STAMBP: variants seen among roughly 807,000 people sequenced by gnomAD.
STAMBP encodes STAM-binding protein.
A neutral mutation model predicts 50.7 loss-of-function variants in STAMBP; 31 were observed. That is an observed-to-expected ratio of 0.61 (90% CI 0.46 to 0.83). The LOEUF (loss-of-function observed/expected upper bound fraction) is 0.83, where lower values mean the gene tolerates loss of function less well. STAMBP is among the 40% of genes least tolerant of loss of function. The pLI is 0.00. For synonymous variants in STAMBP, 211 were observed against 192.4 expected, an observed-to-expected ratio of 1.10 and a Z score of -0.80; for missense variants, 472 against 518.9, an observed-to-expected ratio of 0.91 and a Z score of 0.88.
In STAMBP at chr2:73,845,218, T is replaced by C. The variant is rs779144302; in HGVS notation, c.331T>C (p.Leu111=). The C allele has an allele frequency of 1.2e-6, 2 of 1,614,074 alleles. No homozygotes were observed. Among genetic ancestry groups the C allele is most frequent in the Non-Finnish European group, 1.7e-6 (2 of 1,179,930 alleles). ...AGCAGAAGAGCTGAAGGCAGAGCTG[T>C]TAAAACGATATACCAAAGAATATAC... The part of the protein sequence containing the change: ...PKAEELKAEL[L]KRYTKEYTEY... The change falls in exon 4 of 10, where the codon TTA becomes CTA. Residue 111 remains leucine (L), a synonymous_variant. Transcript: ENST00000394070.
chr2:73,832,581 A>G (rs1032507801), intron 2 of STAMBP, among the ~76,000 whole-genome samples: 2 of 152,104 alleles, frequency 1.3e-5, no homozygotes, highest in African/African-American at 4.8e-5. Context: ...TGATATACAC[A>G]TACCAGTTTT....
chr2:73,841,359 A>G lies in STAMBP; in HGVS notation c.204-3454A>G, dbSNP rs1573293043. 2.6e-5 allele frequency among the ~76,000 whole-genome samples: 4 copies of G among 152,232 alleles called. No homozygotes were observed. The South Asian group carries it at 8.3e-4, about 32-fold the overall frequency. ...ATCTTCATCTCTTATTCTTGCTCAC[A>G]TTTTTTGTTTATTAGTTAAAAAAAA... On this transcript the variant is annotated intron_variant, in intron 2 of 9. Transcript: ENST00000394070.
chr2:73,867,103 C>T lies in STAMBP; in HGVS notation c.*4844C>T, dbSNP rs1327763760. Reference sequence around the variant, plus strand: ...CAACTTTGTCTTTTTCACCTTTGTACTGAGTCCCCTGACATGGAATAAGAT... The same window carrying T: ...CAACTTTGTCTTTTTCACCTTTGTATTGAGTCCCCTGACATGGAATAAGAT... On this transcript the variant is annotated 3_prime_UTR_variant, in exon 10 of 10. Coordinates refer to ENST00000394070, the MANE Select transcript of STAMBP (RefSeq NM_213622.4). 1 of 152,220 alleles carries T rather than the reference C, an allele frequency of 6.6e-6. No individual in the cohort carries two copies. The highest frequency in any genetic ancestry group is 1.5e-5 in the Non-Finnish European group (1 of 68,046). The allele number at this position is 152,220 out of a possible 1,614,324, so 9.4% of individuals were successfully genotyped here. A position where few individuals can be genotyped will look rare whatever the true frequency, so the allele number is the denominator to read the frequency against.
intron 10 of STAMBP, among the ~76,000 whole-genome samples, chr2:73,872,650 C>T (rs1679247803): frequency 6.6e-6 from 1 of 152,168 alleles, no homozygotes; most frequent in African/African-American, 2.4e-5. Context: ...TTGAGGGAAC[C>T]CAAGTGAGGG....
Position 73,843,492 on chromosome 2 carries a change from C to G in STAMBP, c.204-1321C>G, listed in dbSNP as rs555081197. On this transcript the variant is annotated intron_variant, in intron 2 of 9. Coordinates refer to ENST00000394070, the MANE Select transcript of STAMBP (RefSeq NM_213622.4). ...CCCTGTTACCCAGGCTGGTCTTGAACTCCTGGGCTCAAGCAGTCTTCCTGC... is the reference window on the plus strand; with the variant it reads ...CCCTGTTACCCAGGCTGGTCTTGAAGTCCTGGGCTCAAGCAGTCTTCCTGC... 8.6e-5 allele frequency among the ~76,000 whole-genome samples: 13 copies of G among 150,946 alleles called. No homozygotes were observed. The East Asian group carries it at 2.5e-3, about 29-fold the overall frequency.
chr2:73,867,381 C>T (rs1678996040), downstream of STAMBP, among the ~76,000 whole-genome samples: 1 of 152,096 alleles, frequency 6.6e-6, no homozygotes, highest in African/African-American at 2.4e-5. Context: ...CCTGTCTCTA[C>T]TAAAAATACA....
downstream of STAMBP, among the ~76,000 whole-genome samples, chr2:73,868,783 A>T (rs1391875572): frequency 2.0e-5 from 3 of 152,116 alleles, no homozygotes; most frequent in South Asian, 4.2e-4. Context: ...CTGAGGTGGG[A>T]GGATCACCTG....
At chr2:73,852,623 A>G (rs1676974561) in intron 7 of STAMBP, among the ~76,000 whole-genome samples, 1 of 152,198 alleles carries the variant, frequency 6.6e-6, no homozygotes, top group Admixed American at 6.5e-5. Context: ...AAAGAGATGT[A>G]TGAAAAAGGT....
At chr2:73,855,703 C>T (rs1238110004) in intron 7 of STAMBP, 3 of 455,974 alleles carry the variant, frequency 6.6e-6, no homozygotes, top group Non-Finnish European at 1.3e-5. Context: ...TGAGCTAACA[C>T]GTTCCTGTCC....
At chr2:73,868,054 G>T (rs1432887359), downstream of STAMBP, among the ~76,000 whole-genome samples, 1 of 151,764 alleles carries the variant, frequency 6.6e-6, no homozygotes, top group Admixed American at 6.6e-5. Flanking sequence ...AGCTCAGGAG[G>T]CGGAGGTTGT....
chr2:73,834,224 AAAAAAAAAAAAAATATATATATATAT>A (rs1269720551), intron 2 of STAMBP, among the ~76,000 whole-genome samples: 13 of 25,454 alleles, frequency 5.1e-4, no homozygotes, highest in Admixed American at 1.4e-3. Flanking sequence ...AAAAAAAAAA[AAAAAAAAAAAAAATATATATATATAT>A]ATATATATAT....
chr2:73,849,242 C>T, intron 5 of STAMBP, 121 bp from the exon 6 acceptor site: 1 of 1,454,072 alleles, frequency 6.9e-7, no homozygotes, highest in Non-Finnish European at 9.5e-7. Flanking sequence ...TCCCTACTCA[C>T]TGCCTGAAGT....
At chr2:73,869,447 C>G (rs560084291), downstream of STAMBP, among the ~76,000 whole-genome samples, 2 of 152,256 alleles carry the variant, frequency 1.3e-5, no homozygotes, top group East Asian at 3.9e-4. Context: ...TTTAAAGATG[C>G]TACGTCTTCT....
chr2:73,832,453 A>G (rs1356000712), intron 2 of STAMBP, among the ~76,000 whole-genome samples: 3 of 148,136 alleles, frequency 2.0e-5, no homozygotes, highest in Non-Finnish European at 4.4e-5. Context: ...GCAAAGCGAG[A>G]CTGTTTCAAA....
At position 73,866,525 on chromosome 2, in the gene STAMBP, T is replaced by C. The variant is rs3813230; in HGVS notation, c.*4266T>C. On this transcript the variant is annotated 3_prime_UTR_variant, in exon 10 of 10. Transcript: ENST00000394070. ...ATAGGCACTTAACCTTATTGATCAGTTGTTCCTTGGTGTTGAATAATGTGT... is the reference window on the plus strand; with the variant it reads ...ATAGGCACTTAACCTTATTGATCAGCTGTTCCTTGGTGTTGAATAATGTGT... 0.33 allele frequency: 50,271 copies of C among 152,130 alleles called. 9,152 individuals carry two copies. Among genetic ancestry groups the C allele is most frequent in the African/African-American group, 0.46 (19,302 of 41,510 alleles). 9.4% of individuals were successfully genotyped at this position (152,130 alleles called of 1,614,324 possible). A position where few individuals can be genotyped will look rare whatever the true frequency, so the allele number is the denominator to read the frequency against.
chr2:73,867,901 G>A (rs1287337363), downstream of STAMBP, among the ~76,000 whole-genome samples: 3 of 152,086 alleles, frequency 2.0e-5, no homozygotes, highest in African/African-American at 7.2e-5. Flanking sequence ...GAGGCGGGTG[G>A]ATCACCTGAG....
chr2:73,850,318 T>C lies in STAMBP; in HGVS notation c.868-58T>C, dbSNP rs1033441443. On this transcript the variant is annotated intron_variant, in intron 6 of 9. Transcript: ENST00000394070. The surrounding 1 kb of genome is among the most constrained non-coding windows in gnomAD (Gnocchi z 4.3). ...TTACCTTTCCACTGTCGGGATGGAG[T>C]GGAGCAGGGTTGCATGAGCACCAGG... is the stretch of plus-strand genomic sequence containing the variant. The C allele has an allele frequency of 6.4e-7, 1 of 1,551,218 alleles. No homozygotes were observed. The highest frequency in any genetic ancestry group is 1.9e-5 in the Admixed American group (1 of 52,640).
chr2:73,836,982 T>G (rs1277185127), intron 2 of STAMBP, among the ~76,000 whole-genome samples: 6 of 152,194 alleles, frequency 3.9e-5, no homozygotes, highest in Non-Finnish European at 7.4e-5. Flanking sequence ...GCTCTTAATC[T>G]GGGGTCCAGG....
chr2:73,851,864 T>C (rs1676853056), intron 7 of STAMBP, among the ~76,000 whole-genome samples: 1 of 152,156 alleles, frequency 6.6e-6, no homozygotes, highest in South Asian at 2.1e-4. Flanking sequence ...GGTCTCGAAC[T>C]ACTGATCTCA....
Sources: gnomAD v4.1 joint callset for allele counts (sites outside exome capture counted in the v4.1 genomes callset) on GRCh38, gnomAD v4.1.1 for gene constraint, Gnocchi (gnomAD v3.1) non-coding constraint, MANE v1.5 for transcripts, NCBI Gene and HGNC (gene_info 2026-07-23, HGNC 2026-07-21) for gene names.